The following GARIN2 variants were observed in gnomAD, a reference collection of about 807,000 sequenced individuals.
GARIN2 encodes the protein Golgi-associated RAB2 interactor protein 2.
At chr14:67,224,352 A>G in the GARIN2 span, among the ~76,000 whole-genome samples, 7 of 148,898 alleles carry the variant, frequency 4.7e-5, no homozygotes, top group Non-Finnish European at 8.9e-5. Flanking sequence ...TCCGCCTCCC[A>G]GGTTCAAGCG....
At chr14:67,223,129 A>C in the GARIN2 span, among the ~76,000 whole-genome samples, 1 of 151,752 alleles carries the variant, frequency 6.6e-6, no homozygotes, top group Non-Finnish European at 1.5e-5. Flanking sequence ...CCTCCCAAGT[A>C]GCTGGGATTA....
chr14:67,203,333 A>G, the GARIN2 span: 16 of 1,490,894 alleles, frequency 1.1e-5, no homozygotes, highest in Non-Finnish European at 1.5e-5. Flanking sequence ...CTCTCAGAAG[A>G]TGTGCATTAG....
chr14:67,217,240 G>A, the GARIN2 span, among the ~76,000 whole-genome samples: 1 of 151,518 alleles, frequency 6.6e-6, no homozygotes, highest in African/African-American at 2.4e-5. Flanking sequence ...CTTGACTTTG[G>A]TTTCCATTTG....
the GARIN2 span, among the ~76,000 whole-genome samples, chr14:67,228,169 C>CAA: frequency 1.2e-4 from 8 of 64,122 alleles, no homozygotes; most frequent in Non-Finnish European, 1.9e-4. Flanking sequence ...GACTTTGTCT[C>CAA]AAAAAAAAAA....
the GARIN2 span, among the ~76,000 whole-genome samples, chr14:67,220,206 C>T: frequency 6.6e-6 from 1 of 152,052 alleles, no homozygotes; most frequent in Non-Finnish European, 1.5e-5. Flanking sequence ...GAGGCCCAGG[C>T]GGGAGGATGG....
the GARIN2 span, among the ~76,000 whole-genome samples, chr14:67,224,405 C>T: frequency 2.0e-5 from 3 of 151,924 alleles, no homozygotes; most frequent in East Asian, 3.9e-4. Context: ...ACTACAGATG[C>T]GTGCCACTAT....
chr14:67,212,011 A>T, the GARIN2 span, among the ~76,000 whole-genome samples: 3 of 152,144 alleles, frequency 2.0e-5, no homozygotes, highest in Non-Finnish European at 4.4e-5. Flanking sequence ...AGACCTTTTC[A>T]TGTTTCTTAT....
the GARIN2 span, chr14:67,223,864 G>A: frequency 1.0e-6 from 1 of 985,422 alleles, no homozygotes; most frequent in Non-Finnish European, 1.2e-6. Flanking sequence ...TTAACACCCT[G>A]TACCCCAAGA....
chr14:67,203,198 A>G, the GARIN2 span: 5 of 1,613,964 alleles, frequency 3.1e-6, no homozygotes, highest in Non-Finnish European at 3.4e-6. Context: ...ATGTGATGCT[A>G]CTGGCCCATC....
At chr14:67,199,374 G>A in the GARIN2 span, 1 of 1,613,968 alleles carries the variant, frequency 6.2e-7, no homozygotes, top group Non-Finnish European at 8.5e-7. Context: ...ATTTTCAATG[G>A]GAACCTGGAC....
the GARIN2 span, chr14:67,208,587 T>C: frequency 1.1e-6 from 1 of 952,362 alleles, no homozygotes; most frequent in South Asian, 1.8e-5. Flanking sequence ...AATGATGATA[T>C]AGTCAACTCT....
At chr14:67,193,330 C>A in the GARIN2 span, among the ~76,000 whole-genome samples, 1 of 135,242 alleles carries the variant, frequency 7.4e-6, no homozygotes, top group South Asian at 2.4e-4. Context: ...CTATATATCT[C>A]TATATAGATA....
chr14:67,203,020 A>T, the GARIN2 span: 2 of 1,475,964 alleles, frequency 1.4e-6, no homozygotes, highest in Non-Finnish European at 1.8e-6. Context: ...CCTCTCTTAC[A>T]CTTCTCAGGC....
At chr14:67,193,607 A>G in the GARIN2 span, among the ~76,000 whole-genome samples, 1 of 145,786 alleles carries the variant, frequency 6.9e-6, no homozygotes, top group East Asian at 2.0e-4. Context: ...ATCTATAGAT[A>G]TATAGATAGA....
the GARIN2 span, among the ~76,000 whole-genome samples, chr14:67,226,052 TG>T: frequency 8.5e-5 from 13 of 152,052 alleles, no homozygotes; most frequent in Non-Finnish European, 1.5e-4. Flanking sequence ...ACGGGTGGCC[TG>T]GGCAGTAACC....
the GARIN2 span, among the ~76,000 whole-genome samples, chr14:67,213,996 AC>A: frequency 1.3e-5 from 2 of 152,096 alleles, no homozygotes; most frequent in Non-Finnish European, 2.9e-5. Flanking sequence ...TCCTTCGCCC[AC>A]TTTTTGATGG....
At chr14:67,212,853 AG>A in the GARIN2 span, among the ~76,000 whole-genome samples, 1 of 151,442 alleles carries the variant, frequency 6.6e-6, no homozygotes. Flanking sequence ...TAGCTGCTTG[AG>A]CACTGCATTT....
At chr14:67,215,265 T>C in the GARIN2 span, among the ~76,000 whole-genome samples, 3 of 152,260 alleles carry the variant, frequency 2.0e-5, no homozygotes, top group Middle Eastern at 3.4e-3. Context: ...TCTAGGGAGC[T>C]TTCTTCCAGG....
chr14:67,198,178 G>A, the GARIN2 span: 18 of 1,612,552 alleles, frequency 1.1e-5, no homozygotes, highest in Non-Finnish European at 1.4e-5. Context: ...AAGAACACCA[G>A]CAAGACTACC....
Sources: gnomAD v4.1 joint callset for allele counts (sites outside exome capture counted in the v4.1 genomes callset) on GRCh38, gnomAD v4.1.1 for gene constraint, MANE v1.5 for transcripts, NCBI Gene and HGNC (gene_info 2026-07-23, HGNC 2026-07-21) for gene names.